Variants in SLC4A7 observed in about 807,000 individuals in gnomAD.
SLC4A7 encodes solute carrier family 4 member 7.
SLC4A7 carries 51 observed loss-of-function variants against 137.6 expected under a neutral mutation model. The ratio of observed to expected loss-of-function variants is 0.37; its 90% CI spans 0.30 to 0.47. SLC4A7 has a LOEUF of 0.47. Ranked by LOEUF, SLC4A7 falls within the 20% of genes least tolerant of loss-of-function variation. The probability of loss-of-function intolerance (pLI) is 1.00; values close to 1 mark genes in which losing one functional copy is unlikely to be tolerated. For missense variants in SLC4A7, 1,247 were observed against 1,525.4 expected (o/e 0.82, Z 3.04); for synonymous variants, 542 against 518.6 (o/e 1.05, Z -0.61).
intron 11 of SLC4A7, among the ~76,000 whole-genome samples, chr3:27,412,649 G>A (rs2054014706): frequency 6.6e-6 from 1 of 152,116 alleles, no homozygotes; most frequent in Non-Finnish European, 1.5e-5. Flanking sequence ...TAAAATTTTA[G>A]ACTCCTAGGA....
intron 11 of SLC4A7, among the ~76,000 whole-genome samples, chr3:27,415,930 T>TC (rs1269900439): frequency 3.3e-5 from 5 of 152,246 alleles, no homozygotes; most frequent in Non-Finnish European, 7.3e-5. Flanking sequence ...TTTACAATGA[T>TC]CCTTACGCTG....
chr3:27,398,357 GA>G lies in SLC4A7; in HGVS notation c.2428-5del. On this transcript the variant is annotated splice_region_variant and splice_polypyrimidine_tract_variant and intron_variant, in intron 16 of 25. Coordinates refer to ENST00000454389, the MANE Select transcript of SLC4A7 (RefSeq NM_001321103.2). ...CACCACGAAGTTTTTTACATTCCTG[GA>G]AAAAAGGAGAAAGAAAAAGCAGAAT... is the stretch of plus-strand genomic sequence containing the variant. The G allele has an allele frequency of 6.3e-7, 1 of 1,580,694 alleles. No homozygotes were observed. Among genetic ancestry groups the G allele is most frequent in the Non-Finnish European group, 8.6e-7 (1 of 1,166,750 alleles).
chr3:27,432,076 G>A (rs552016228), intron 6 of SLC4A7, among the ~76,000 whole-genome samples: 32 of 152,160 alleles, frequency 2.1e-4, no homozygotes, highest in Non-Finnish European at 4.7e-4. Context: ...CTTATATTTA[G>A]CGTATTTTTC....
At chr3:27,473,164 G>A (rs2059324238) in intron 1 of SLC4A7, among the ~76,000 whole-genome samples, 1 of 151,966 alleles carries the variant, frequency 6.6e-6, no homozygotes, top group Non-Finnish European at 1.5e-5. Context: ...CATGGTGTGT[G>A]TGTACGCACC....
At chr3:27,458,260 A>G (rs921442315) in intron 1 of SLC4A7, among the ~76,000 whole-genome samples, 1 of 152,184 alleles carries the variant, frequency 6.6e-6, no homozygotes, top group Non-Finnish European at 1.5e-5. Flanking sequence ...TCTATAAGCT[A>G]GCAAAATAGA....
intron 18 of SLC4A7, among the ~76,000 whole-genome samples, chr3:27,396,075 T>C (rs2052129472): frequency 6.6e-6 from 1 of 152,228 alleles, no homozygotes; most frequent in Admixed American, 6.5e-5. Context: ...ACTGCATATA[T>C]AGAAACCTAA....
intron 1 of SLC4A7, among the ~76,000 whole-genome samples, chr3:27,476,990 A>G (rs1012071172): frequency 1.3e-5 from 2 of 152,204 alleles, no homozygotes; most frequent in African/African-American, 4.8e-5. Context: ...GCCATCAGGG[A>G]ATCTGGAGGC....
In SLC4A7 at chr3:27,444,041, T is replaced by C. The variant is rs552601445; in HGVS notation, c.289+4610A>G. Among the ~76,000 whole-genome samples the C allele has an allele frequency of 3.9e-5, 6 of 152,322 alleles. No homozygotes were observed. The South Asian group carries it at 1.2e-3, about 32-fold the overall frequency. On this transcript the variant is annotated intron_variant, in intron 3 of 25. Coordinates refer to ENST00000454389, the MANE Select transcript of SLC4A7 (RefSeq NM_001321103.2). ...CCATTTGCACTCGTAGAGAACGTAT[T>C]CTGCTGTCCTTGGGTGAAGTGTTTT...
At chr3:27,398,448 G>A (rs925905604) in intron 16 of SLC4A7, 95 bp from the exon 17 acceptor site, 1 of 1,046,920 alleles carries the variant, frequency 9.6e-7, no homozygotes, top group East Asian at 2.4e-5. Context: ...GCAACTGATT[G>A]TAAGAGGCAC....
intron 1 of SLC4A7, among the ~76,000 whole-genome samples, chr3:27,467,519 T>C (rs979525729): frequency 6.6e-5 from 10 of 152,178 alleles, no homozygotes; most frequent in African/African-American, 1.9e-4. Context: ...AACATGAAGG[T>C]TTTAATTTAA....
chr3:27,421,575 A>T, intron 9 of SLC4A7, 47 bp downstream of exon 9: 1 of 1,452,992 alleles, frequency 6.9e-7, no homozygotes, highest in Admixed American at 2.0e-5. Flanking sequence ...AAAAACTTGT[A>T]GATTTTGAAA....
chr3:27,468,756 G>GAATTGC (rs1256586079), intron 1 of SLC4A7, among the ~76,000 whole-genome samples: 3 of 152,040 alleles, frequency 2.0e-5, no homozygotes, highest in Non-Finnish European at 4.4e-5. Flanking sequence ...AATTAAACAA[G>GAATTGC]ATGTTGCATG....
At chr3:27,477,714 C>A (rs1056507681) in intron 1 of SLC4A7, among the ~76,000 whole-genome samples, 16 of 152,184 alleles carry the variant, frequency 1.1e-4, no homozygotes, top group Middle Eastern at 6.8e-3. Context: ...GAGCGATTCT[C>A]CCGCCTCATC....
intron 4 of SLC4A7, 24 bp downstream of exon 4, chr3:27,437,361 AAAG>A (rs1341261801): frequency 1.3e-6 from 2 of 1,487,892 alleles, no homozygotes; most frequent in South Asian, 1.4e-5. Context: ...CAAAAAAAAA[AAAG>A]AGAGAGAGAC....
At chr3:27,436,577 A>G (rs1489012349) in intron 4 of SLC4A7, 29 bp from the exon 5 acceptor site, 3 of 1,416,438 alleles carry the variant, frequency 2.1e-6, no homozygotes, top group African/African-American at 2.9e-5. Flanking sequence ...AAAATATTTT[A>G]TAAGTAATGA....
intron 18 of SLC4A7, among the ~76,000 whole-genome samples, chr3:27,395,651 G>GC (rs1192212148): frequency 2.0e-5 from 3 of 152,090 alleles, no homozygotes; most frequent in Non-Finnish European, 2.9e-5. Flanking sequence ...AAGGCATATT[G>GC]CCCCCATTGA....
chr3:27,482,540 G>A (rs1051346172), intron 1 of SLC4A7, among the ~76,000 whole-genome samples: 6 of 152,184 alleles, frequency 3.9e-5, no homozygotes, highest in African/African-American at 1.2e-4. Context: ...GGAGGCCGAG[G>A]CGGGTGGATT....
rs908591649 is a variant in SLC4A7, at chr3:27,375,218, T to C, written c.*1546A>G. 2.0e-5 allele frequency: 3 copies of C among 152,042 alleles called. No individual in the cohort carries two copies. The highest frequency in any genetic ancestry group is 3.8e-4 in the East Asian group (2 of 5,202). The allele number at this position is 152,042 out of a possible 1,614,324, so 9.4% of individuals were successfully genotyped here. A position where few individuals can be genotyped will look rare whatever the true frequency, so the allele number is the denominator to read the frequency against. Reference sequence around the variant, plus strand: ...ATGATCCTTTATTAGATTAATTATGTATACCTTTGTAATTTAATTATATGG... The same window carrying C: ...ATGATCCTTTATTAGATTAATTATGCATACCTTTGTAATTTAATTATATGG... On this transcript the variant is annotated 3_prime_UTR_variant, in exon 26 of 26. Transcript: ENST00000454389.
chr3:27,397,078 G>A (rs1365520588), intron 18 of SLC4A7, among the ~76,000 whole-genome samples: 1 of 152,056 alleles, frequency 6.6e-6, no homozygotes, highest in Non-Finnish European at 1.5e-5. Context: ...GCCCAGTCTG[G>A]AGTGCAATGG....
Sources: gnomAD v4.1 joint callset for allele counts (sites outside exome capture counted in the v4.1 genomes callset) on GRCh38, gnomAD v4.1.1 for gene constraint, MANE v1.5 for transcripts, NCBI Gene and HGNC (gene_info 2026-07-23, HGNC 2026-07-21) for gene names.